The following HSD17B12 variants were observed in gnomAD, a reference collection of about 807,000 sequenced individuals.
HSD17B12 encodes the protein very-long-chain 3-oxoacyl-CoA reductase.
Under a neutral mutation model 39.3 loss-of-function variants are expected in HSD17B12, and 32 were observed. The observed-to-expected ratio is 0.81, with a 90% CI of 0.61 to 1.09. The LOEUF (loss-of-function observed/expected upper bound fraction) is 1.09. Among genes scored for constraint, HSD17B12 ranks in the 50% least tolerant of loss-of-function variants. The probability of loss-of-function intolerance (pLI) is 0.00; values close to 1 mark genes in which losing one functional copy is unlikely to be tolerated. For synonymous variants in HSD17B12, 150 were observed against 146.7 expected (o/e 1.02, Z -0.16); for missense variants, 342 against 382.9 (o/e 0.89, Z 0.89).
upstream of HSD17B12, among the ~76,000 whole-genome samples, chr11:43,678,234 T>G (rs1949708472): frequency 6.6e-6 from 1 of 152,230 alleles, no homozygotes. Context: ...ATGTCTTCTT[T>G]TGAGAAGTAT....
the HSD17B12 span, chr11:43,559,643 C>T: frequency 8.3e-5 from 13 of 156,056 alleles, no homozygotes; most frequent in African/African-American, 1.9e-4. Context: ...CCAGCTGAGA[C>T]GTTCTTCATC....
chr11:43,742,435 A>G (rs771808260), intron 1 of HSD17B12, among the ~76,000 whole-genome samples: 2 of 151,974 alleles, frequency 1.3e-5, no homozygotes, highest in Non-Finnish European at 2.9e-5. Context: ...GCCCCATGAA[A>G]ATACCTTTAA....
intron 1 of HSD17B12, among the ~76,000 whole-genome samples, chr11:43,692,049 T>C (rs1028374676): frequency 6.6e-6 from 1 of 152,244 alleles, no homozygotes; most frequent in East Asian, 1.9e-4. Context: ...TAGTATTTCT[T>C]GTATTCATTC....
chr11:43,664,940 C>T, the HSD17B12 span, among the ~76,000 whole-genome samples: 45 of 152,220 alleles, frequency 3.0e-4, no homozygotes, highest in Admixed American at 1.6e-3. Context: ...GTTCATGAAA[C>T]GATGAATGAA....
chr11:43,590,505 G>GTTTTTTTT, the HSD17B12 span, among the ~76,000 whole-genome samples: 6 of 47,866 alleles, frequency 1.3e-4, no homozygotes, highest in Non-Finnish European at 2.7e-4. Flanking sequence ...TGGAGTGAGT[G>GTTTTTTTT]ATTTTTTTTT....
At chr11:43,571,575 A>G in the HSD17B12 span, among the ~76,000 whole-genome samples, 1 of 152,204 alleles carries the variant, frequency 6.6e-6, no homozygotes, top group Non-Finnish European at 1.5e-5. Flanking sequence ...GGCTGAGAGG[A>G]GGGCATTTGA....
At chr11:43,664,394 C>T in the HSD17B12 span, among the ~76,000 whole-genome samples, 1 of 152,058 alleles carries the variant, frequency 6.6e-6, no homozygotes, top group Non-Finnish European at 1.5e-5. Context: ...TCCTCCAGGC[C>T]CCTCAAGAAG....
chr11:43,619,877 C>T, the HSD17B12 span, among the ~76,000 whole-genome samples: 1 of 152,298 alleles, frequency 6.6e-6, no homozygotes, highest in East Asian at 1.9e-4. Context: ...TTTTTCTCAG[C>T]CTTTATTTGC....
chr11:43,784,869 T>C (rs1166423429), intron 3 of HSD17B12, among the ~76,000 whole-genome samples: 3 of 152,196 alleles, frequency 2.0e-5, no homozygotes, highest in Admixed American at 6.5e-5. Context: ...AAAGCCTTTT[T>C]TTAGTGAGCA....
intron 9 of HSD17B12, among the ~76,000 whole-genome samples, chr11:43,849,575 C>T (rs1351774231): frequency 1.3e-5 from 2 of 152,190 alleles, no homozygotes; most frequent in Non-Finnish European, 2.9e-5. Context: ...ATTCTTTTGG[C>T]CAACTCCATC....
the HSD17B12 span, among the ~76,000 whole-genome samples, chr11:43,632,362 C>T: frequency 6.6e-6 from 1 of 152,194 alleles, no homozygotes; most frequent in Admixed American, 6.5e-5. Flanking sequence ...AAGCTCCTGA[C>T]ATCCTGTTTC....
rs778562495 is a variant in HSD17B12, at chr11:43,680,853, G to A, written c.26G>A (p.Gly9Asp). The A allele has an allele frequency of 5.0e-6, 8 of 1,614,016 alleles. 1 individual carries two copies. In the South Asian group the frequency reaches 8.8e-5, roughly 18 times the overall value. Residue 9 changes from glycine (G) to aspartate (D), a missense_variant, in exon 1 of 11, where the codon GGC (glycine) becomes GAC (aspartate). Gly to Asp is a moderately conservative substitution (Grantham distance 94). Transcript: ENST00000278353. ...ATGGAGAGCGCTCTCCCCGCCGCCGGCTTCCTGTACTGGGTCGGCGCGGGC... is the reference window on the plus strand; with the variant it reads ...ATGGAGAGCGCTCTCCCCGCCGCCGACTTCCTGTACTGGGTCGGCGCGGGC... Reference protein sequence around the residue: MESALPAAGFLYWVGAGTV... With the variant: MESALPAADFLYWVGAGTV...
At chr11:43,751,148 A>T (rs1038519512) in intron 2 of HSD17B12, among the ~76,000 whole-genome samples, 191 bp downstream of exon 2, 1 of 152,154 alleles carries the variant, frequency 6.6e-6, no homozygotes, top group Non-Finnish European at 1.5e-5. Context: ...TTTGAAACAA[A>T]TTTCATGTAA....
At chr11:43,770,383 C>G (rs1950637522) in intron 3 of HSD17B12, among the ~76,000 whole-genome samples, 1 of 152,118 alleles carries the variant, frequency 6.6e-6, no homozygotes, top group Admixed American at 6.6e-5. Flanking sequence ...CACCTACTTG[C>G]TTTTATTAGG....
At chr11:43,805,947 A>G (rs1365341642) in intron 4 of HSD17B12, among the ~76,000 whole-genome samples, 1 of 152,174 alleles carries the variant, frequency 6.6e-6, no homozygotes, top group Non-Finnish European at 1.5e-5. Context: ...GAAAAGCACT[A>G]TACTCATGAT....
the HSD17B12 span, among the ~76,000 whole-genome samples, chr11:43,567,809 TAATACTCACCATA>T: frequency 1.3e-5 from 2 of 152,222 alleles, no homozygotes; most frequent in East Asian, 3.8e-4. Flanking sequence ...TTATTTCATT[TAATACTCACCATA>T]AACCAGCATT....
rs138469300 is a variant in HSD17B12, at chr11:43,699,999, A to G, written c.160+19012A>G. Among the ~76,000 whole-genome samples the G allele has an allele frequency of 4.2e-3, 639 of 152,236 alleles. 1 individual carries two copies. Among genetic ancestry groups the G allele is most frequent in the Middle Eastern group, 0.02 (6 of 294 alleles). On this transcript the variant is annotated intron_variant, in intron 1 of 10. Coordinates refer to ENST00000278353, the MANE Select transcript of HSD17B12 (RefSeq NM_016142.3). ...GCCCACTGGAGCTTTAGCCCACACA[A>G]TAACTCTGGAGCTAGAGCAGAACTC...
At chr11:43,760,018 C>T (rs1950542606) in intron 3 of HSD17B12, among the ~76,000 whole-genome samples, 1 of 151,992 alleles carries the variant, frequency 6.6e-6, no homozygotes, top group Non-Finnish European at 1.5e-5. Flanking sequence ...GCCTCAGCCT[C>T]CTGGGTAACT....
the HSD17B12 span, among the ~76,000 whole-genome samples, chr11:43,661,232 A>T: frequency 1.3e-5 from 2 of 152,226 alleles, no homozygotes; most frequent in Non-Finnish European, 2.9e-5. Context: ...ATGCTGCATG[A>T]TTCCACTTAT....
Sources: allele counts gnomAD v4.1 joint callset (sites outside exome capture counted in the v4.1 genomes callset), GRCh38; gene constraint gnomAD v4.1.1; transcripts MANE v1.5; gene names NCBI Gene and HGNC (gene_info 2026-07-23, HGNC 2026-07-21).